The following MILR1 variants were observed in gnomAD, a reference collection of about 807,000 sequenced individuals.
MILR1 encodes mast cell immunoglobulin like receptor 1.
MILR1 carries 31 observed loss-of-function variants against 18.5 expected under a neutral mutation model. That is an observed-to-expected ratio of 1.68 (90% CI 1.26 to 2.26). The LOEUF (loss-of-function observed/expected upper bound fraction) is 2.26. Ranked by LOEUF, MILR1 falls within the 30% of genes most tolerant of loss-of-function variation. The pLI is 0.00. For synonymous variants in MILR1, 85 were observed against 56.2 expected, an observed-to-expected ratio of 1.51 and a Z score of -2.30; for missense variants, 257 against 157.4, an observed-to-expected ratio of 1.63 and a Z score of -3.38.
the MILR1 span, chr17:64,478,134 TA>T: frequency 1.4e-6 from 1 of 737,748 alleles, no homozygotes; most frequent in African/African-American, 1.8e-5. Flanking sequence ...CCAACATTTT[TA>T]AAGTTTCTGA....
intron 2 of MILR1, among the ~76,000 whole-genome samples, chr17:64,451,792 G>T (rs2037176076): frequency 6.6e-6 from 1 of 152,028 alleles, no homozygotes; most frequent in African/African-American, 2.4e-5. Context: ...AATTAGCTGG[G>T]CATGGTGGTG....
At position 64,460,884 on chromosome 17, in the gene MILR1, G is replaced by A. The variant is rs2037416306; in HGVS notation, c.715G>A (p.Val239Met). 2 of 475,098 alleles carry A rather than the reference G, an allele frequency of 4.2e-6. No homozygotes were observed. The highest frequency in any genetic ancestry group is 7.7e-6 in the Non-Finnish European group (2 of 258,934). The allele number at this position is 475,098 out of a possible 1,614,324, so 29.4% of individuals were successfully genotyped here. ...LLPGLLLLLV[V>M]IILILAFWVL... is the part of the protein sequence containing the mutation. ...TCCAGGGTTATTACTGTTGCTGGTG[G>A]TGATAATCCTAATTCTGGCTTTTTG... Residue 239 changes from valine to methionine, a missense_variant, in exon 5 of 10, where the codon GTG (valine) becomes ATG (methionine). Physicochemically the swap from Val to Met is conservative, Grantham distance 21 (BLOSUM62 1). Transcript: ENST00000619286.
At position 64,452,679 on chromosome 17, in the gene MILR1, C is replaced by A. The variant is rs923592798; in HGVS notation, c.180C>A (p.Asn60Lys). Residue 60 changes from asparagine to lysine, a missense_variant, in exon 3 of 10, where the codon AAC becomes AAA. By Grantham distance (94) the Asn-to-Lys change is moderately conservative. Transcript: ENST00000619286. ...QNVSMFCSHKNKSLQITYSLF... is the reference protein window; with the variant it reads ...QNVSMFCSHKKKSLQITYSLF... Reference sequence around the variant, plus strand: ...TATCTATGTTTTGTTCCCATAAGAACAAATCACTGCAGATCACCTATTCAT... The same window carrying A: ...TATCTATGTTTTGTTCCCATAAGAAAAAATCACTGCAGATCACCTATTCAT... 1 of 473,090 alleles carries A rather than the reference C, an allele frequency of 2.1e-6. No individual in the cohort carries two copies. The highest frequency in any genetic ancestry group is 3.2e-5 in the Admixed American group (1 of 31,266). 29.3% of individuals were successfully genotyped at this position (473,090 alleles called of 1,614,324 possible).
chr17:64,468,919 T>C (rs1356108707), downstream of MILR1, among the ~76,000 whole-genome samples: 1 of 151,854 alleles, frequency 6.6e-6, no homozygotes, highest in Non-Finnish European at 1.5e-5. Flanking sequence ...ACCCCGTCTG[T>C]ACTAAAAATA....
At chr17:64,453,288 C>T (rs1303737128) in intron 3 of MILR1, among the ~76,000 whole-genome samples, 4 of 151,890 alleles carry the variant, frequency 2.6e-5, no homozygotes, top group Admixed American at 1.3e-4. Flanking sequence ...AGGCTGGTCT[C>T]GAACTCCTGA....
At chr17:64,458,853 G>T (rs2037360408) in intron 4 of MILR1, among the ~76,000 whole-genome samples, 1 of 152,078 alleles carries the variant, frequency 6.6e-6, no homozygotes, top group South Asian at 2.1e-4. Flanking sequence ...TCCTCCCGAG[G>T]GTGGCCCACA....
At chr17:64,474,536 G>A in the MILR1 span, among the ~76,000 whole-genome samples, 4 of 151,962 alleles carry the variant, frequency 2.6e-5, no homozygotes, top group Admixed American at 2.6e-4. Context: ...CACTATGACT[G>A]GCTAATTTTC....
At chr17:64,450,076 C>T (rs1034555135) in intron 2 of MILR1, among the ~76,000 whole-genome samples, 13 of 151,062 alleles carry the variant, frequency 8.6e-5, no homozygotes, top group South Asian at 2.1e-4. Flanking sequence ...GTAGCTGGGA[C>T]TACAGGCGTG....
At chr17:64,477,902 G>A in the MILR1 span, 20 of 1,613,448 alleles carry the variant, frequency 1.2e-5, no homozygotes, top group Non-Finnish European at 1.5e-5. Flanking sequence ...CTTCATTGTG[G>A]TGTCTCTGCT....
chr17:64,468,161 TC>T, intron 9 of MILR1, 148 bp from the exon 10 acceptor site: 1 of 443,918 alleles, frequency 2.3e-6, no homozygotes, highest in South Asian at 1.6e-5. Context: ...AGAGCCATGC[TC>T]CCTCCAAAAG....
the MILR1 span, chr17:64,491,623 T>C: frequency 2.6e-6 from 4 of 1,518,546 alleles, no homozygotes; most frequent in Admixed American, 1.7e-5. Context: ...CCTAGTGGCC[T>C]TGATGGAGCG....
downstream of MILR1, among the ~76,000 whole-genome samples, chr17:64,473,176 C>T (rs1469293042): frequency 6.6e-6 from 1 of 151,912 alleles, no homozygotes; most frequent in Non-Finnish European, 1.5e-5. Context: ...GATGAAACCC[C>T]GTCTCTACTA....
chr17:64,455,192 T>C (rs1250855041), intron 3 of MILR1, among the ~76,000 whole-genome samples: 2 of 152,124 alleles, frequency 1.3e-5, no homozygotes, highest in Non-Finnish European at 2.9e-5. Context: ...AGCCCATCAG[T>C]TCATATGTTT....
intron 5 of MILR1, among the ~76,000 whole-genome samples, chr17:64,463,817 ATTTTTTTTTTTTTTT>A (rs1200586705): frequency 9.6e-6 from 1 of 103,922 alleles, no homozygotes; most frequent in Non-Finnish European, 1.9e-5. Flanking sequence ...CTCCTGGCTA[ATTTTTTTTTTTTTTT>A]TTTTTTTTTG....
At chr17:64,456,630 G>T (rs2037306939) in intron 3 of MILR1, among the ~76,000 whole-genome samples, 3 of 152,052 alleles carry the variant, frequency 2.0e-5, no homozygotes, top group Admixed American at 2.0e-4. Flanking sequence ...GGGCAACATA[G>T]TGAGACTCTG....
At chr17:64,492,921 A>G in the MILR1 span, 2 of 1,614,124 alleles carry the variant, frequency 1.2e-6, no homozygotes, top group Non-Finnish European at 1.7e-6. Flanking sequence ...GTATCTGCTT[A>G]GTGTCAAAAA....
At chr17:64,497,002 C>A in the MILR1 span, 2 of 1,577,356 alleles carry the variant, frequency 1.3e-6, no homozygotes, top group Non-Finnish European at 1.7e-6. Context: ...ACTCTCCCAT[C>A]ACTCAACGGA....
chr17:64,490,944 C>T, the MILR1 span: 2 of 1,613,932 alleles, frequency 1.2e-6, no homozygotes, highest in Non-Finnish European at 8.5e-7. Flanking sequence ...GTCACTGCTG[C>T]TGAAGTTAGA....
chr17:64,457,488 C>T lies in MILR1; in HGVS notation c.456C>T (p.Gly152=). The T allele has an allele frequency of 2.1e-6, 1 of 475,418 alleles. No homozygotes were observed. Among genetic ancestry groups the T allele is most frequent in the Non-Finnish European group, 3.9e-6 (1 of 259,058 alleles). 29.4% of individuals were successfully genotyped at this position (475,418 alleles called of 1,614,324 possible). A position where few individuals can be genotyped will look rare whatever the true frequency, so the allele number is the denominator to read the frequency against. Residue 152 remains glycine, a synonymous_variant, in exon 4 of 10, where the codon GGC becomes GGT. Transcript: ENST00000619286. ...HITLHCLSVN[G]SLPINYTFFE... Reference sequence around the variant, plus strand: ...CATTACATTGCCTCTCAGTCAATGGCTCGCTGCCCATCAATTACACTTTCT... The same window carrying T: ...CATTACATTGCCTCTCAGTCAATGGTTCGCTGCCCATCAATTACACTTTCT...
Sources: allele counts gnomAD v4.1 joint callset (sites outside exome capture counted in the v4.1 genomes callset), GRCh38; gene constraint gnomAD v4.1.1; transcripts MANE v1.5; gene names NCBI Gene and HGNC (gene_info 2026-07-23, HGNC 2026-07-21).